Variants in MAGI1 observed in about 807,000 individuals in gnomAD.
MAGI1 encodes the protein membrane associated guanylate kinase, WW and PDZ domain containing 1, also known as membrane-associated guanylate kinase, WW and PDZ domain-containing protein 1.
In MAGI1, 58 loss-of-function variants were observed where a neutral mutation model predicts 139.9. The observed-to-expected ratio is 0.41, with a 90% CI of 0.34 to 0.52. The LOEUF (loss-of-function observed/expected upper bound fraction) is 0.52. Among genes scored for constraint, MAGI1 ranks in the 20% least tolerant of loss-of-function variants. The pLI, the probability that MAGI1 is intolerant of heterozygous loss-of-function variation, is 0.12. For synonymous variants in MAGI1, 812 were observed against 737.9 expected (o/e 1.10, Z -1.63); for missense variants, 1,874 against 1,901.6 (o/e 0.99, Z 0.27).
At chr3:65,388,799 A>T (rs1943655632) in intron 14 of MAGI1, among the ~76,000 whole-genome samples, 2 of 151,720 alleles carry the variant, frequency 1.3e-5, no homozygotes, top group African/African-American at 4.8e-5. Flanking sequence ...TTAGATGTTA[A>T]AGAAAGTGAA....
intron 1 of MAGI1, chr3:65,844,407 G>C (rs2058914119): frequency 2.9e-6 from 1 of 343,600 alleles, no homozygotes. Flanking sequence ...GGATATCCCA[G>C]AAGAAACTGA....
intron 1 of MAGI1, among the ~76,000 whole-genome samples, chr3:65,991,820 G>A (rs560504798): frequency 3.3e-5 from 5 of 152,182 alleles, no homozygotes; most frequent in African/African-American, 1.2e-4. Flanking sequence ...TTTGAGACCA[G>A]CCTGGCCAAC....
chr3:65,380,284 G>A (rs946977435), intron 16 of MAGI1, among the ~76,000 whole-genome samples: 1 of 152,208 alleles, frequency 6.6e-6, no homozygotes, highest in Non-Finnish European at 1.5e-5. Flanking sequence ...TGTGTGTTGT[G>A]TCCAAGTTTT....
chr3:65,362,190 TA>T (rs1175079418), intron 21 of MAGI1, among the ~76,000 whole-genome samples: 8 of 152,190 alleles, frequency 5.3e-5, no homozygotes, highest in African/African-American at 1.7e-4. Context: ...AAGAGGCTGA[TA>T]ATACCACTCA....
At chr3:65,538,533 G>T (rs1319671200) in intron 2 of MAGI1, among the ~76,000 whole-genome samples, 2 of 152,114 alleles carry the variant, frequency 1.3e-5, no homozygotes, top group African/African-American at 4.8e-5. Context: ...ACCAAGTTAG[G>T]CTGGCATTGA....
At chr3:65,814,406 G>A (rs913503227) in intron 1 of MAGI1, among the ~76,000 whole-genome samples, 1 of 152,082 alleles carries the variant, frequency 6.6e-6, no homozygotes, top group African/African-American at 2.4e-5. Flanking sequence ...ACATTTACCA[G>A]TATTTATTCC....
At chr3:66,035,578 T>C (rs529586074) in intron 1 of MAGI1, among the ~76,000 whole-genome samples, 1 of 152,348 alleles carries the variant, frequency 6.6e-6, no homozygotes, top group Non-Finnish European at 1.5e-5. Context: ...ACTGTGCCTG[T>C]GTAATTATTA....
intron 2 of MAGI1, among the ~76,000 whole-genome samples, chr3:65,616,337 G>A (rs904796561): frequency 1.3e-5 from 2 of 152,146 alleles, no homozygotes; most frequent in Admixed American, 6.6e-5. Context: ...GAGAAAAAGA[G>A]TAGAAAGCTG....
At chr3:65,583,074 A>T (rs1351321030) in intron 2 of MAGI1, among the ~76,000 whole-genome samples, 1 of 152,182 alleles carries the variant, frequency 6.6e-6, no homozygotes, top group Non-Finnish European at 1.5e-5. Context: ...ATCAATAAAA[A>T]ATTATTAATG....
At chr3:65,433,706 T>TA (rs770555476) in intron 10 of MAGI1, among the ~76,000 whole-genome samples, 2 of 152,066 alleles carry the variant, frequency 1.3e-5, no homozygotes, top group Non-Finnish European at 2.9e-5. Flanking sequence ...CTTCCTTCCT[T>TA]AGACTCACTG....
intron 1 of MAGI1, among the ~76,000 whole-genome samples, chr3:65,731,923 G>A (rs1375746063): frequency 6.6e-6 from 1 of 152,132 alleles, no homozygotes; most frequent in Admixed American, 6.5e-5. Context: ...TTTAGAAACT[G>A]TTGTGTACAA....
At chr3:65,700,985 C>T (rs1289348776) in intron 1 of MAGI1, among the ~76,000 whole-genome samples, 1 of 152,168 alleles carries the variant, frequency 6.6e-6, no homozygotes, top group Non-Finnish European at 1.5e-5. Context: ...TCAACCGCCC[C>T]TTTTTAACAC....
At chr3:65,511,266 C>T (rs1277935761) in intron 2 of MAGI1, among the ~76,000 whole-genome samples, 1 of 149,902 alleles carries the variant, frequency 6.7e-6, no homozygotes, top group Non-Finnish European at 1.5e-5. Flanking sequence ...AAATAACCAG[C>T]TAACATCATA....
At chr3:65,812,431 ATCTC>A (rs1379974869) in intron 1 of MAGI1, among the ~76,000 whole-genome samples, 22 of 131,896 alleles carry the variant, frequency 1.7e-4, no homozygotes, top group East Asian at 1.4e-3. Flanking sequence ...ATTTTATAAA[ATCTC>A]TCTCTCTCTT....
chr3:65,897,629 G>A (rs2061032640), intron 1 of MAGI1, among the ~76,000 whole-genome samples: 1 of 150,148 alleles, frequency 6.7e-6, no homozygotes, highest in South Asian at 2.1e-4. Context: ...TTGTGCACAT[G>A]TACCCTAGGA....
intron 1 of MAGI1, among the ~76,000 whole-genome samples, chr3:65,734,296 C>T (rs911714408): frequency 8.6e-5 from 13 of 151,904 alleles, no homozygotes; most frequent in Admixed American, 2.6e-4. Context: ...CCTGCCTCTA[C>T]AAAAATTTAA....
intron 12 of MAGI1, among the ~76,000 whole-genome samples, chr3:65,409,831 G>A (rs1347112078): frequency 6.6e-6 from 1 of 152,140 alleles, no homozygotes; most frequent in Non-Finnish European, 1.5e-5. Context: ...AGAGATAGTT[G>A]GACTTCAGAT....
rs549060174 is a variant in MAGI1, at chr3:65,575,337, T to C, written c.430+46635A>G. 2.1e-3 allele frequency among the ~76,000 whole-genome samples: 325 copies of C among 152,216 alleles called. 1 individual carries two copies. The highest frequency in any genetic ancestry group is 7.4e-3 in the African/African-American group (306 of 41,556). On this transcript the variant is annotated intron_variant, in intron 2 of 22. Coordinates refer to ENST00000402939, the MANE Select transcript of MAGI1 (RefSeq NM_001033057.2). Reference sequence around the variant, plus strand: ...TTAAAACCATAATGAGGTACCAAGATATACTATTAGAAAGGTTAAAGTTAA... The same window carrying C: ...TTAAAACCATAATGAGGTACCAAGACATACTATTAGAAAGGTTAAAGTTAA...
rs560055544 is a variant in MAGI1, at chr3:65,583,259, T to G, written c.430+38713A>C. 3.9e-5 allele frequency among the ~76,000 whole-genome samples: 6 copies of G among 152,194 alleles called. No individual in the cohort carries two copies. In the East Asian group the frequency reaches 1.2e-3, roughly 30 times the overall value. On this transcript the variant is annotated intron_variant, in intron 2 of 22. Coordinates refer to ENST00000402939, the MANE Select transcript of MAGI1 (RefSeq NM_001033057.2). Reference sequence around the variant, plus strand: ...CCAAGTTGTTATTGCTGCTCTTAGATTTACACTATTTAAGGATCTTAGAAC... The same window carrying G: ...CCAAGTTGTTATTGCTGCTCTTAGAGTTACACTATTTAAGGATCTTAGAAC...
Sources: allele counts gnomAD v4.1 joint callset (sites outside exome capture counted in the v4.1 genomes callset), GRCh38; gene constraint gnomAD v4.1.1; transcripts MANE v1.5; gene names NCBI Gene and HGNC (gene_info 2026-07-23, HGNC 2026-07-21).